The following CTIF variants were observed in gnomAD, a reference collection of about 807,000 sequenced individuals.
CTIF encodes the protein CBP80/20-dependent translation initiation factor.
CTIF carries 21 observed loss-of-function variants against 66.0 expected under a neutral mutation model. The ratio of observed to expected loss-of-function variants is 0.32; its 90% CI spans 0.23 to 0.46. The LOEUF is 0.46. Among genes scored for constraint, CTIF ranks in the 20% least tolerant of loss-of-function variants. The pLI, the probability that CTIF is intolerant of heterozygous loss-of-function variation, is 1.00. For synonymous variants in CTIF, 345 were observed against 326.4 expected (o/e 1.06, Z -0.62); for missense variants, 739 against 812.7 (o/e 0.91, Z 1.10).
intron 5 of CTIF, among the ~76,000 whole-genome samples, chr18:48,665,220 TG>T (rs1299366992): frequency 1.3e-5 from 2 of 152,242 alleles, no homozygotes; most frequent in African/African-American, 2.4e-5. Context: ...GGCCTGAGGC[TG>T]TGTGTTTCTA....
intron 7 of CTIF, among the ~76,000 whole-genome samples, chr18:48,742,420 G>A (rs995852675): frequency 6.6e-6 from 1 of 152,212 alleles, no homozygotes; most frequent in Non-Finnish European, 1.5e-5. Flanking sequence ...TCCCCAAAGG[G>A]GCTGCAGACC....
chr18:48,573,644 AGGTTTCTGTGACAAAAGCTCCAGGT>A (rs1189918337), intron 1 of CTIF, among the ~76,000 whole-genome samples: 8 of 152,216 alleles, frequency 5.3e-5, no homozygotes, highest in African/African-American at 1.7e-4. Flanking sequence ...TAATGAAGGC[AGGTTTCTGTGACAAAAGCTCCAGGT>A]GGTTTCTGTG....
chr18:48,576,888 T>G (rs61635721), intron 1 of CTIF, among the ~76,000 whole-genome samples: 1 of 152,278 alleles, frequency 6.6e-6, no homozygotes, highest in Non-Finnish European at 1.5e-5. Flanking sequence ...GAGAACATTC[T>G]AGAAGGGTGA....
At chr18:48,717,058 C>T (rs546519199) in intron 7 of CTIF, among the ~76,000 whole-genome samples, 11 of 151,990 alleles carry the variant, frequency 7.2e-5, no homozygotes, top group South Asian at 4.2e-4. Flanking sequence ...CTCTGTCCTG[C>T]GATTGACCGT....
intron 7 of CTIF, among the ~76,000 whole-genome samples, chr18:48,721,050 C>G (rs559492167): frequency 4.6e-5 from 7 of 152,326 alleles, no homozygotes; most frequent in African/African-American, 1.7e-4. Context: ...CTGGAACCCC[C>G]TGTGCCCACC....
chr18:48,598,140 C>T (rs991665097), intron 1 of CTIF, among the ~76,000 whole-genome samples: 1 of 152,184 alleles, frequency 6.6e-6, no homozygotes, highest in African/African-American at 2.4e-5. Flanking sequence ...AGGGAAACCC[C>T]AGCTGAGGGT....
chr18:48,605,997 T>C (rs113822584), intron 1 of CTIF, among the ~76,000 whole-genome samples: 400 of 152,326 alleles, frequency 2.6e-3, no homozygotes, highest in African/African-American at 9.2e-3. Flanking sequence ...AAACCATACC[T>C]GAACCTTCTA....
chr18:48,805,828 T>G (rs1234929359), intron 9 of CTIF, among the ~76,000 whole-genome samples: 1 of 152,206 alleles, frequency 6.6e-6, no homozygotes, highest in East Asian at 1.9e-4. Context: ...CCCCTACCCT[T>G]TGGACAGGTT....
At chr18:48,630,314 T>C (rs1038892397) in intron 2 of CTIF, among the ~76,000 whole-genome samples, 1 of 152,206 alleles carries the variant, frequency 6.6e-6, no homozygotes, top group Non-Finnish European at 1.5e-5. Flanking sequence ...TGGGCGACTG[T>C]GCATGTTGCA....
chr18:48,543,068 G>A (rs147110371), intron 1 of CTIF, among the ~76,000 whole-genome samples: 54 of 152,346 alleles, frequency 3.5e-4, no homozygotes, highest in Non-Finnish European at 5.9e-4. Context: ...GTTAATACAA[G>A]TCTGCTTTTT....
chr18:48,779,121 T>C (rs1393951175), intron 9 of CTIF, among the ~76,000 whole-genome samples: 1 of 152,160 alleles, frequency 6.6e-6, no homozygotes. Context: ...GTGGGGACGA[T>C]GGTGTTAGTA....
At chr18:48,724,280 A>G (rs531370152) in intron 7 of CTIF, among the ~76,000 whole-genome samples, 6 of 152,242 alleles carry the variant, frequency 3.9e-5, no homozygotes, top group Non-Finnish European at 8.8e-5. Flanking sequence ...AACCTTTCAA[A>G]TAGGCCTTTG....
At chr18:48,803,426 T>A (rs956719360) in intron 9 of CTIF, among the ~76,000 whole-genome samples, 2 of 152,152 alleles carry the variant, frequency 1.3e-5, no homozygotes, top group African/African-American at 4.8e-5. Context: ...ATAATCCTCA[T>A]CATATCACTC....
At chr18:48,784,117 T>C (rs1278519073) in intron 9 of CTIF, among the ~76,000 whole-genome samples, 1 of 152,206 alleles carries the variant, frequency 6.6e-6, no homozygotes, top group Non-Finnish European at 1.5e-5. Context: ...ATTGGGCATC[T>C]CCTAATCTGG....
At chr18:48,741,906 G>C (rs534108780) in intron 7 of CTIF, among the ~76,000 whole-genome samples, 1 of 152,266 alleles carries the variant, frequency 6.6e-6, no homozygotes, top group East Asian at 1.9e-4. Context: ...AGTGCCACTG[G>C]GACCAAGGGC....
At chr18:48,641,428 G>C (rs1598789077) in intron 3 of CTIF, among the ~76,000 whole-genome samples, 1 of 152,242 alleles carries the variant, frequency 6.6e-6, no homozygotes, top group African/African-American at 2.4e-5. Context: ...CTAGGAACCT[G>C]ATGAGCACGA....
intron 7 of CTIF, among the ~76,000 whole-genome samples, chr18:48,743,990 C>T (rs2092575317): frequency 6.6e-6 from 1 of 152,178 alleles, no homozygotes; most frequent in African/African-American, 2.4e-5. Context: ...TATAGGCCCA[C>T]CCCTGAGAGG....
At chr18:48,807,384 T>A (rs918437941) in intron 9 of CTIF, among the ~76,000 whole-genome samples, 1 of 152,156 alleles carries the variant, frequency 6.6e-6, no homozygotes, top group African/African-American at 2.4e-5. Flanking sequence ...ATGTAGAGAA[T>A]AAAGGTCATC....
intron 1 of CTIF, among the ~76,000 whole-genome samples, chr18:48,591,095 C>G (rs1169431461): frequency 6.6e-6 from 1 of 152,242 alleles, no homozygotes; most frequent in African/African-American, 2.4e-5. Flanking sequence ...TGGGAAGATG[C>G]TCCTAGCACG....
Sources: allele counts gnomAD v4.1 joint callset (sites outside exome capture counted in the v4.1 genomes callset), GRCh38; gene constraint gnomAD v4.1.1; transcripts MANE v1.5; gene names NCBI Gene and HGNC (gene_info 2026-07-23, HGNC 2026-07-21).